Variants in ENOX1 observed in about 807,000 individuals in gnomAD.
ENOX1 encodes the protein candidate growth-related and time keeping constitutive hydroquinone (NADH) oxidase.
In ENOX1, 42 loss-of-function variants were observed where a neutral mutation model predicts 82.5. The ratio of observed to expected loss-of-function variants is 0.51; its 90% CI spans 0.40 to 0.66. The LOEUF is 0.66. ENOX1 is among the 30% of genes least tolerant of loss of function. The probability of loss-of-function intolerance (pLI) is 0.00; values close to 1 mark genes in which losing one functional copy is unlikely to be tolerated. For synonymous variants in ENOX1, 271 were observed against 282.2 expected, an observed-to-expected ratio of 0.96 and a Z score of 0.40; for missense variants, 608 against 811.6, an observed-to-expected ratio of 0.75 and a Z score of 3.05.
intron 2 of ENOX1, among the ~76,000 whole-genome samples, chr13:43,600,415 G>C (rs2081655659): frequency 6.6e-6 from 1 of 152,204 alleles, no homozygotes; most frequent in Non-Finnish European, 1.5e-5. Context: ...GCAGACTTGG[G>C]GCAGTGGTAA....
intron 2 of ENOX1, among the ~76,000 whole-genome samples, chr13:43,613,934 A>T (rs1046365279): frequency 6.7e-6 from 1 of 149,056 alleles, no homozygotes; most frequent in Admixed American, 6.7e-5. Context: ...ACTCTCTCAA[A>T]AAAAAAATAA....
At chr13:43,772,959 C>T (rs191234955) in intron 1 of ENOX1, among the ~76,000 whole-genome samples, 1 of 152,202 alleles carries the variant, frequency 6.6e-6, no homozygotes, top group East Asian at 1.9e-4. Flanking sequence ...TGATGTAGAT[C>T]ATTACAAGAG....
chr13:43,442,406 G>A (rs528472914), intron 3 of ENOX1, among the ~76,000 whole-genome samples: 7 of 152,120 alleles, frequency 4.6e-5, no homozygotes, highest in African/African-American at 7.2e-5. Flanking sequence ...TCAACTTAGC[G>A]AATGCATTAT....
At chr13:43,544,432 C>A (rs1404449562) in intron 2 of ENOX1, 1 of 152,082 alleles carries the variant, frequency 6.6e-6, no homozygotes, top group Non-Finnish European at 1.5e-5. Flanking sequence ...ACAACTATTT[C>A]TTAGTAACCT....
intron 3 of ENOX1, among the ~76,000 whole-genome samples, chr13:43,437,963 G>A (rs994199148): frequency 6.6e-6 from 1 of 152,148 alleles, no homozygotes; most frequent in Non-Finnish European, 1.5e-5. Context: ...AAAAATTGGT[G>A]GGGAGGGATA....
At chr13:43,616,150 A>ATATAGATATCTATC (rs1566641372) in intron 2 of ENOX1, among the ~76,000 whole-genome samples, 2 of 27,904 alleles carry the variant, frequency 7.2e-5, no homozygotes, top group African/African-American at 2.1e-4. Flanking sequence ...AGATATCTAT[A>ATATAGATATCTATC]TAGATAGATA....
At chr13:43,245,116 G>A (rs768418919) in intron 14 of ENOX1, among the ~76,000 whole-genome samples, 35 of 152,178 alleles carry the variant, frequency 2.3e-4, no homozygotes, top group African/African-American at 2.4e-5. Flanking sequence ...CACATAGCAG[G>A]TGCCCAGTGG....
At chr13:43,483,639 A>G (rs1593430072) in intron 3 of ENOX1, among the ~76,000 whole-genome samples, 2 of 152,348 alleles carry the variant, frequency 1.3e-5, no homozygotes, top group East Asian at 3.9e-4. Context: ...GTTTCAAAAT[A>G]TAATTTATCC....
At chr13:43,550,549 A>G (rs150302634) in intron 2 of ENOX1, among the ~76,000 whole-genome samples, 274 of 152,246 alleles carry the variant, frequency 1.8e-3, no homozygotes, top group African/African-American at 6.5e-3. Flanking sequence ...CTCATCTTCT[A>G]CTTGACTGCA....
rs1566329349 is a variant in ENOX1 at position 43,247,859 on chromosome 13, ATATATATATATATATATATATATATTTT to A, written c.1612-11149_1612-11122del. Among the ~76,000 whole-genome samples, 13 of 1,764 alleles carry A rather than the reference ATATATATATATATATATATATATATTTT, an allele frequency of 7.4e-3. 2 individuals are homozygous for A. The highest frequency in any genetic ancestry group is 0.013 in the Non-Finnish European group (11 of 844). The allele number at this position is 1,764 out of a possible 152,430, so 1.2% of individuals were successfully genotyped here. A position where few individuals can be genotyped will look rare whatever the true frequency, so the allele number is the denominator to read the frequency against. ...TATATATATATATATATATATATATATATATATATATATATATATATATATTTTTTTTTTTTTTTTTTTTGAGACGGAG... is the reference window on the plus strand; with the variant it reads ...TATATATATATATATATATATATATATTTTTTTTTTTTTTTTGAGACGGAG... On this transcript the variant is annotated intron_variant, in intron 14 of 16. Transcript: ENST00000690772.
intron 12 of ENOX1, among the ~76,000 whole-genome samples, chr13:43,296,262 C>A (rs1262635673): frequency 6.6e-6 from 1 of 152,190 alleles, no homozygotes; most frequent in East Asian, 1.9e-4. Context: ...TGAGGTCATC[C>A]TGGAGCAGAG....
chr13:43,739,663 A>T (rs1311319622), intron 1 of ENOX1, among the ~76,000 whole-genome samples: 1 of 151,876 alleles, frequency 6.6e-6, no homozygotes, highest in Admixed American at 6.6e-5. Context: ...ATAAGAAAAG[A>T]GCTGTTGTGA....
chr13:43,330,968 T>C (rs1050003702), intron 9 of ENOX1, among the ~76,000 whole-genome samples: 1 of 152,246 alleles, frequency 6.6e-6, no homozygotes, highest in Non-Finnish European at 1.5e-5. Flanking sequence ...TTGCTGAGTT[T>C]AGAGCACACT....
At chr13:43,358,994 C>A (rs1408203946) in intron 7 of ENOX1, among the ~76,000 whole-genome samples, 1 of 152,226 alleles carries the variant, frequency 6.6e-6, no homozygotes, top group African/African-American at 2.4e-5. Context: ...GGAGTTTGCA[C>A]AGAATTTCGT....
At chr13:43,604,035 C>G (rs1319386737) in intron 2 of ENOX1, among the ~76,000 whole-genome samples, 2 of 149,742 alleles carry the variant, frequency 1.3e-5, no homozygotes, top group Non-Finnish European at 3.0e-5. Flanking sequence ...TTCTCCACAT[C>G]CTCTCCAGCA....
chr13:43,588,479 A>G (rs1405336545), intron 2 of ENOX1, among the ~76,000 whole-genome samples: 1 of 152,232 alleles, frequency 6.6e-6, no homozygotes, highest in Non-Finnish European at 1.5e-5. Context: ...CCTTAAAAAA[A>G]TAATGAATAA....
At chr13:43,413,505 G>T (rs1190951601) in intron 3 of ENOX1, among the ~76,000 whole-genome samples, 2 of 151,808 alleles carry the variant, frequency 1.3e-5, no homozygotes, top group East Asian at 3.9e-4. Context: ...GAAAAGGAGG[G>T]TACCTAAATT....
chr13:43,462,537 C>T (rs748913903), intron 3 of ENOX1, among the ~76,000 whole-genome samples: 3 of 152,252 alleles, frequency 2.0e-5, no homozygotes, highest in East Asian at 1.9e-4. Flanking sequence ...ACATAATAGG[C>T]TTAATCAGAG....
intron 2 of ENOX1, among the ~76,000 whole-genome samples, chr13:43,502,714 TA>T (rs2077022999): frequency 6.6e-6 from 1 of 151,310 alleles, no homozygotes; most frequent in Non-Finnish European, 1.5e-5. Flanking sequence ...CTTAACAAAA[TA>T]AAGGCCTTAC....
Sources: gnomAD v4.1 joint callset for allele counts (sites outside exome capture counted in the v4.1 genomes callset) on GRCh38, gnomAD v4.1.1 for gene constraint, MANE v1.5 for transcripts, NCBI Gene and HGNC (gene_info 2026-07-23, HGNC 2026-07-21) for gene names.